SLC26A8: variants seen among roughly 807,000 people sequenced by gnomAD.
SLC26A8 encodes solute carrier family 26 member 8, also known as testis anion transporter 1.
SLC26A8 carries 70 observed loss-of-function variants against 105.0 expected under a neutral mutation model. The ratio of observed to expected loss-of-function variants is 0.67; its 90% CI spans 0.55 to 0.81. SLC26A8 has a LOEUF of 0.81. SLC26A8 is among the 40% of genes least tolerant of loss of function. The pLI is 0.00. For synonymous variants in SLC26A8, 415 were observed against 438.3 expected (o/e 0.95, Z 0.66); for missense variants, 998 against 1,181.8 (o/e 0.84, Z 2.28).
At position 35,975,509 on chromosome 6, in the gene SLC26A8, C is replaced by A. The variant is rs770071373; in HGVS notation, c.1174-21G>T. 3 of 1,476,016 alleles carry A rather than the reference C, an allele frequency of 2.0e-6. No homozygotes were observed. The East Asian group carries it at 6.8e-5, about 34-fold the overall frequency. 91.4% of individuals were successfully genotyped at this position (1,476,016 alleles called of 1,614,324 possible). A position where few individuals can be genotyped will look rare whatever the true frequency, so the allele number is the denominator to read the frequency against. On this transcript the variant is annotated intron_variant, in intron 9 of 19. Coordinates refer to ENST00000490799, the MANE Select transcript of SLC26A8 (RefSeq NM_052961.4). ...AAATCCTGTAAAGAAACAGCAGATG[C>A]TTTAGGCCCCCGTTTTTGTTGAAGA...
chr6:35,963,004 G>A lies in SLC26A8; in HGVS notation c.1366-383C>T, dbSNP rs577553105. On this transcript the variant is annotated intron_variant, in intron 11 of 19. Coordinates refer to ENST00000490799, the MANE Select transcript of SLC26A8 (RefSeq NM_052961.4). ...TTTTCTTTGCCCTCCTCCTTAATTT[G>A]CCAAAAACACAAGGCAAGGTCAGGC... 4.6e-5 allele frequency among the ~76,000 whole-genome samples: 7 copies of A among 152,090 alleles called. No individual in the cohort carries two copies. In the East Asian group the frequency reaches 1.2e-3, roughly 25 times the overall value.
intron 10 of SLC26A8, among the ~76,000 whole-genome samples, chr6:35,971,024 C>A (rs1196632448): frequency 6.0e-5 from 9 of 151,138 alleles, no homozygotes; most frequent in Admixed American, 5.9e-4. Flanking sequence ...AAAACTCCAT[C>A]TCAAAACAAC....
intron 2 of SLC26A8, among the ~76,000 whole-genome samples, chr6:36,014,656 C>T (rs1036758318): frequency 2.4e-4 from 37 of 151,996 alleles, no homozygotes; most frequent in African/African-American, 8.7e-4. Flanking sequence ...CCAAGGCGGG[C>T]GGATCACAAG....
chr6:35,982,915 C>T (rs1046346790), intron 7 of SLC26A8, among the ~76,000 whole-genome samples: 1 of 152,214 alleles, frequency 6.6e-6, no homozygotes, highest in Non-Finnish European at 1.5e-5. Context: ...TGGCAATTCT[C>T]CCTCTAGTCC....
intron 3 of SLC26A8, among the ~76,000 whole-genome samples, 178 bp downstream of exon 3, chr6:36,012,055 T>C (rs1489964438): frequency 6.6e-6 from 1 of 152,232 alleles, no homozygotes; most frequent in African/African-American, 2.4e-5. Flanking sequence ...AAACCAAGTC[T>C]TTTGGAACCA....
intron 5 of SLC26A8, among the ~76,000 whole-genome samples, chr6:35,995,720 A>G (rs766511810): frequency 1.1e-4 from 17 of 151,748 alleles, no homozygotes; most frequent in Non-Finnish European, 2.2e-4. Context: ...TATGTTGCCC[A>G]GGCTGGTCTC....
At chr6:35,966,909 A>G (rs1226442038) in intron 11 of SLC26A8, among the ~76,000 whole-genome samples, 4 of 152,324 alleles carry the variant, frequency 2.6e-5, no homozygotes, top group Non-Finnish European at 5.9e-5. Flanking sequence ...CCCAAATTTT[A>G]TCACTACCCG....
intron 11 of SLC26A8, among the ~76,000 whole-genome samples, chr6:35,966,790 C>A (rs189488300): frequency 6.6e-6 from 1 of 152,124 alleles, no homozygotes; most frequent in African/African-American, 2.4e-5. Flanking sequence ...ATAATCACAA[C>A]TGCTCACTCA....
chr6:36,013,158 G>A (rs192416464), intron 2 of SLC26A8, among the ~76,000 whole-genome samples: 18 of 151,318 alleles, frequency 1.2e-4, no homozygotes, highest in Middle Eastern at 3.5e-3. Context: ...TCAACTAGGT[G>A]CAGTTTTGTT....
chr6:35,989,927 C>CTTTTTTTTTTTTTTTTTTTTTTTTT (rs869306115), intron 7 of SLC26A8: 3 of 84,572 alleles, frequency 3.5e-5, no homozygotes, highest in Non-Finnish European at 6.2e-5. Flanking sequence ...GTTTTCTTTT[C>CTTTTTTTTTTTTTTTTTTTTTTTTT]TTTTTTTTTT....
At chr6:35,951,101 A>ACCCAACCCCCCACAGCCCACAAT in intron 19 of SLC26A8, 62 bp downstream of exon 19, 1 of 1,072,412 alleles carries the variant, frequency 9.3e-7, no homozygotes. Flanking sequence ...ACCACCCCTC[A>ACCCAACCCCCCACAGCCCACAAT]CCCATCCCCC....
intron 10 of SLC26A8, among the ~76,000 whole-genome samples, chr6:35,974,317 C>T (rs1023695149): frequency 2.0e-5 from 3 of 152,028 alleles, no homozygotes; most frequent in African/African-American, 4.8e-5. Flanking sequence ...GACTGTGTCT[C>T]AAAACAAAAA....
chr6:36,013,220 G>A (rs902234972), intron 2 of SLC26A8, among the ~76,000 whole-genome samples: 3 of 147,428 alleles, frequency 2.0e-5, no homozygotes, highest in Non-Finnish European at 3.0e-5. Flanking sequence ...TTTTTTAGAT[G>A]GAGTCTTGCT....
chr6:36,000,012 G>C lies in SLC26A8; in HGVS notation c.425C>G (p.Ser142Trp). The change falls in exon 4 of 20, where the codon TCG becomes TGG. Residue 142 changes from serine to tryptophan, a missense_variant. Transcript: ENST00000490799. ...CTCACCAATGGACATTTGATGACAC[G>C]ATCCAAAAATTACATAGATTACCGA... is the stretch of plus-strand genomic sequence containing the variant. ...CSSVIYVIFGSCHQMSIGSFF... is the reference protein window; with the variant it reads ...CSSVIYVIFGWCHQMSIGSFF... 6.2e-7 allele frequency: 1 copy of C among 1,613,274 alleles called. No individual in the cohort carries two copies.
intron 11 of SLC26A8, among the ~76,000 whole-genome samples, chr6:35,965,696 A>AAAAG (rs531772810): frequency 1.2e-3 from 176 of 149,698 alleles, no homozygotes; most frequent in African/African-American, 3.8e-3. Context: ...AAAAAAAAAA[A>AAAAG]AAAGAAAGAA....
At chr6:35,961,292 T>C (rs1272153654) in intron 12 of SLC26A8, among the ~76,000 whole-genome samples, 193 bp from the exon 13 acceptor site, 1 of 152,212 alleles carries the variant, frequency 6.6e-6, no homozygotes, top group Non-Finnish European at 1.5e-5. Context: ...AATTCTTTTA[T>C]GCATCCCTGG....
At chr6:35,963,186 T>C (rs1167610011) in intron 11 of SLC26A8, among the ~76,000 whole-genome samples, 2 of 152,082 alleles carry the variant, frequency 1.3e-5, no homozygotes, top group Non-Finnish European at 2.9e-5. Context: ...GACAAAAACT[T>C]CTTATCTGAG....
At position 35,994,111 on chromosome 6, in the gene SLC26A8, C is replaced by CTTTTT. The variant is rs759838239; in HGVS notation, c.628-1438_628-1437insAAAAA. ...CGGCACTGTGTCTCCCTTTTTTTTT[C>CTTTTT]TTTTCTTTTTTTTTTTTTTTTGAGA... is the stretch of plus-strand genomic sequence containing the variant. On this transcript the variant is annotated intron_variant, in intron 5 of 19. Coordinates refer to ENST00000490799, the MANE Select transcript of SLC26A8 (RefSeq NM_052961.4). Among the ~76,000 whole-genome samples the CTTTTT allele has an allele frequency of 5.9e-5, 7 of 118,510 alleles. 2 individuals carry two copies. The highest frequency in any genetic ancestry group is 5.3e-5 in the Non-Finnish European group (3 of 56,322). 77.7% of individuals were successfully genotyped at this position (118,510 alleles called of 152,430 possible).
At chr6:35,968,390 C>A (rs1772605322) in intron 11 of SLC26A8, among the ~76,000 whole-genome samples, 1 of 147,946 alleles carries the variant, frequency 6.8e-6, no homozygotes, top group Non-Finnish European at 1.5e-5. Flanking sequence ...GGTAATCTGC[C>A]CAGCTTGGCC....
Sources: gnomAD v4.1 joint callset for allele counts (sites outside exome capture counted in the v4.1 genomes callset) on GRCh38, gnomAD v4.1.1 for gene constraint, MANE v1.5 for transcripts, NCBI Gene and HGNC (gene_info 2026-07-23, HGNC 2026-07-21) for gene names.